HNF1B: variants seen among roughly 807,000 people sequenced by gnomAD.
HNF1B encodes the protein HNF1 homeobox B, also known as hepatocyte nuclear factor 1-beta.
In HNF1B, 8 loss-of-function variants were observed where a neutral mutation model predicts 61.7. That is an observed-to-expected ratio of 0.13 (90% confidence interval 0.08 to 0.23). HNF1B has a LOEUF of 0.23. Among genes scored for constraint, HNF1B ranks in the 10% least tolerant of loss-of-function variants. The probability of loss-of-function intolerance (pLI) is 1.00; values close to 1 mark genes in which losing one functional copy is unlikely to be tolerated. For synonymous variants in HNF1B, 314 were observed against 287.7 expected (o/e 1.09, Z -0.93); for missense variants, 562 against 714.5 (o/e 0.79, Z 2.43).
intron 1 of HNF1B, among the ~76,000 whole-genome samples, chr17:37,743,738 G>A (rs376615322): frequency 2.6e-5 from 4 of 152,350 alleles, no homozygotes; most frequent in East Asian, 1.9e-4. Flanking sequence ...CGGCCCTGGG[G>A]ATACACTGCC....
Position 37,710,597 on chromosome 17 carries a change from T to C in HNF1B, c.1112A>G (p.Asn371Ser). The C allele has an allele frequency of 1.2e-6, 2 of 1,613,486 alleles. No homozygotes were observed. Among genetic ancestry groups the C allele is most frequent in the East Asian group, 2.2e-5 (1 of 44,868 alleles). The change falls in exon 5 of 9, where the codon AAC (asparagine) becomes AGC (serine). Residue 371 changes from asparagine (N) to serine (S), a missense_variant. By Grantham distance (46) the Asn-to-Ser change is conservative (BLOSUM62 1). This residue lies in a region of HNF1B where 211 missense variants were observed against 200.7 expected (regional missense o/e 1.05). Transcript: ENST00000617811. ...TSSSTISHHG[N>S]SAMVTSQSVL... ...CGACTGGCTGGTCACCATGGCGCTG[T>C]TGCCATGGTGACTGATTGTTGAGGA...
At chr17:37,688,727 T>A (rs1470040219) in intron 8 of HNF1B, among the ~76,000 whole-genome samples, 1 of 152,198 alleles carries the variant, frequency 6.6e-6, no homozygotes, top group African/African-American at 2.4e-5. Flanking sequence ...CCCTATAATA[T>A]GGGAGTTGTT....
chr17:37,731,250 G>A (rs1241748384), intron 4 of HNF1B: 1 of 449,596 alleles, frequency 2.2e-6, no homozygotes, highest in African/African-American at 2.0e-5. Context: ...CGACCCGTTT[G>A]CCTGCGGTTT....
At chr17:37,742,634 C>T (rs1173403180) in intron 1 of HNF1B, among the ~76,000 whole-genome samples, 1 of 152,094 alleles carries the variant, frequency 6.6e-6, no homozygotes, top group Non-Finnish European at 1.5e-5. Flanking sequence ...GTCTCCAACT[C>T]GGCGAGGGTC....
intron 5 of HNF1B, among the ~76,000 whole-genome samples, chr17:37,705,892 G>A (rs564032721): frequency 2.0e-5 from 3 of 152,214 alleles, no homozygotes; most frequent in African/African-American, 7.2e-5. Context: ...TTATAAGGGC[G>A]CGATCAGTTT....
At chr17:37,727,279 G>T (rs1452080436) in intron 4 of HNF1B, among the ~76,000 whole-genome samples, 1 of 152,180 alleles carries the variant, frequency 6.6e-6, no homozygotes. Flanking sequence ...GGCTGTCATG[G>T]AGCCTATAAC....
chr17:37,739,663 G>A, intron 1 of HNF1B, 24 bp from the exon 2 acceptor site: 1 of 1,565,264 alleles, frequency 6.4e-7, no homozygotes, highest in Non-Finnish European at 8.7e-7. Context: ...CAGATGGTTA[G>A]GGTACTAGTG....
chr17:37,726,731 G>A (rs1033943251), intron 4 of HNF1B, among the ~76,000 whole-genome samples: 2 of 152,294 alleles, frequency 1.3e-5, no homozygotes, highest in Non-Finnish European at 2.9e-5. Flanking sequence ...GGAGAGGGAG[G>A]AATAGAGTTC....
At chr17:37,697,985 C>T (rs2032440772) in intron 8 of HNF1B, among the ~76,000 whole-genome samples, 2 of 152,184 alleles carry the variant, frequency 1.3e-5, no homozygotes, top group South Asian at 4.2e-4. Context: ...AAGCAAATGG[C>T]AGAACCAGGA....
chr17:37,707,812 C>A (rs1040441570), intron 5 of HNF1B, among the ~76,000 whole-genome samples: 2 of 151,632 alleles, frequency 1.3e-5, no homozygotes, highest in African/African-American at 4.9e-5. Flanking sequence ...GACTACAACC[C>A]TAAACCTGGC....
chr17:37,697,270 G>A (rs188664219), intron 8 of HNF1B, among the ~76,000 whole-genome samples: 5 of 152,310 alleles, frequency 3.3e-5, no homozygotes, highest in African/African-American at 1.2e-4. Context: ...CTTACTGAGT[G>A]TAATAATCAT....
chr17:37,744,783 C>A lies in HNF1B; in HGVS notation c.102G>T (p.Leu34=), dbSNP rs1474360420. The change falls in exon 1 of 9, where the codon CTG becomes CTT. Residue 34 remains leucine (L), a synonymous_variant. Coordinates refer to ENST00000617811, the MANE Select transcript of HNF1B (RefSeq NM_000458.4). ...EVLVQALEEL[L]PSPNFGVKLE... is the part of the protein sequence containing the mutation. ...GCTTCACCCCGAAGTTCGGGGATGG[C>A]AGCAACTCCTCCAAGGCCTGAACCA... is the stretch of plus-strand genomic sequence containing the variant. The A allele has an allele frequency of 9.3e-6, 15 of 1,613,602 alleles. No homozygotes were observed. The highest frequency in any genetic ancestry group is 1.3e-5 in the Non-Finnish European group (15 of 1,180,034).
Position 37,744,567 on chromosome 17 carries a change from C to T in HNF1B, c.318G>A (p.Gln106=), listed in dbSNP as rs1259796505. 3.1e-6 allele frequency: 5 copies of T among 1,605,118 alleles called. No homozygotes were observed. In the Admixed American group the frequency reaches 8.3e-5, roughly 27 times the overall value. ...QALNTEEAAE[Q]RAEVDRMLSE... is the part of the protein sequence containing the mutation. ...TGAGCATCCGGTCCACCTCCGCCCG[C>T]TGCTCCGCCGCCTCCTCGGTGTTGA... The change falls in exon 1 of 9, where the codon CAG becomes CAA. Residue 106 remains glutamine (Q), a synonymous_variant. Coordinates refer to ENST00000617811, the MANE Select transcript of HNF1B (RefSeq NM_000458.4).
At chr17:37,743,748 C>T (rs2034074637) in intron 1 of HNF1B, among the ~76,000 whole-genome samples, 1 of 152,236 alleles carries the variant, frequency 6.6e-6, no homozygotes, top group African/African-American at 2.4e-5. Flanking sequence ...GATACACTGC[C>T]AGCCGGCCTG....
At chr17:37,730,589 C>T (rs1031347114) in intron 4 of HNF1B, 8 of 152,342 alleles carry the variant, frequency 5.3e-5, no homozygotes, top group African/African-American at 1.9e-4. Context: ...TTGGTCCCCT[C>T]AACACTTGGG....
At chr17:37,738,934 C>A (rs2033910867) in intron 2 of HNF1B, among the ~76,000 whole-genome samples, 1 of 152,226 alleles carries the variant, frequency 6.6e-6, no homozygotes, top group Admixed American at 6.5e-5. Flanking sequence ...CTCCCACTAT[C>A]CTCCAAGAAC....
At chr17:37,694,779 G>T (rs1217373756) in intron 8 of HNF1B, among the ~76,000 whole-genome samples, 2 of 152,104 alleles carry the variant, frequency 1.3e-5, no homozygotes. Flanking sequence ...ATAGCCTAGG[G>T]TATCTAACAG....
At chr17:37,723,015 A>G (rs1321358371) in intron 4 of HNF1B, among the ~76,000 whole-genome samples, 1 of 152,060 alleles carries the variant, frequency 6.6e-6, no homozygotes, top group Non-Finnish European at 1.5e-5. Context: ...AGCAATACAC[A>G]TGAGAGGAGT....
intron 2 of HNF1B, 56 bp downstream of exon 2, chr17:37,739,384 G>A (rs965240406): frequency 2.0e-6 from 3 of 1,518,668 alleles, no homozygotes; most frequent in African/African-American, 1.4e-5. Context: ...CAGCCAATGG[G>A]GTGAGAGGGC....
Sources: allele counts gnomAD v4.1 joint callset (sites outside exome capture counted in the v4.1 genomes callset), GRCh38; gene constraint gnomAD v4.1.1; regional missense constraint gnomAD v4.1.1; transcripts MANE v1.5; gene names NCBI Gene and HGNC (gene_info 2026-07-23, HGNC 2026-07-21).